The following THOP1 variants were observed in gnomAD, a reference collection of about 807,000 sequenced individuals.
The protein encoded by THOP1 is thimet oligopeptidase.
In THOP1, 49 loss-of-function variants were observed where a neutral mutation model predicts 71.8. The ratio of observed to expected loss-of-function variants is 0.68; its 90% confidence interval spans 0.54 to 0.87. The LOEUF is 0.87. Ranked by LOEUF, THOP1 falls within the 40% of genes least tolerant of loss-of-function variation. The pLI is 0.00. For synonymous variants in THOP1, 426 were observed against 421.5 expected, an observed-to-expected ratio of 1.01 and a Z score of -0.13; for missense variants, 843 against 975.6, an observed-to-expected ratio of 0.86 and a Z score of 1.81.
chr19:2,811,663 C>T lies in THOP1; in HGVS notation c.1837C>T (p.Leu613=), dbSNP rs370675841. Residue 613 remains leucine (L), a synonymous_variant, in exon 12 of 13, where the codon CTG becomes TTG. Coordinates refer to ENST00000307741, the MANE Select transcript of THOP1 (RefSeq NM_003249.5). The part of the protein sequence containing the change: ...GGYDAQYYGY[L]WSEVYSMDMF... ...CTACGACGCCCAGTACTACGGGTAC[C>T]TGTGGAGCGAGGTGTATTCCATGGA... is the stretch of plus-strand genomic sequence containing the variant. 6.5e-5 allele frequency: 105 copies of T among 1,613,380 alleles called. No individual in the cohort carries two copies. Among genetic ancestry groups the T allele is most frequent in the Non-Finnish European group, 8.6e-5 (101 of 1,179,996 alleles).
chr19:2,806,787 G>T (rs868594383), intron 6 of THOP1, 130 bp from the exon 7 acceptor site: 32 of 1,503,922 alleles, frequency 2.1e-5, no homozygotes, highest in African/African-American at 1.5e-4. Flanking sequence ...AGTAACACAG[G>T]CCGAGAGGGG....
At chr19:2,810,898 C>T (rs1031729166) in intron 11 of THOP1, 130 bp downstream of exon 11, 44 of 1,377,098 alleles carry the variant, frequency 3.2e-5, no homozygotes, top group East Asian at 1.3e-4. Context: ...CCACGGAGCG[C>T]GTCCCAGGCT....
chr19:2,796,087 G>C lies in THOP1; in HGVS notation c.385G>C (p.Val129Leu). The change falls in exon 4 of 13, where the codon GTT becomes CTT. Residue 129 changes from valine (V) to leucine (L), a missense_variant. Val to Leu is a conservative substitution (Grantham distance 32). Coordinates refer to ENST00000307741, the MANE Select transcript of THOP1 (RefSeq NM_003249.5). ...TTTGATGTTTTTATTCCAGGAGAAA[G>C]TTCAGAAGGACTCACTGAGGCCCGA... ...YQRIVWLQEKVQKDSLRPEAA... is the reference protein window; with the variant it reads ...YQRIVWLQEKLQKDSLRPEAA... 1 of 1,613,648 alleles carries C rather than the reference G, an allele frequency of 6.2e-7. No homozygotes were observed. The highest frequency in any genetic ancestry group is 1.1e-5 in the South Asian group (1 of 91,070).
At chr19:2,790,091 C>T (rs560437124) in intron 1 of THOP1, among the ~76,000 whole-genome samples, 3 of 152,246 alleles carry the variant, frequency 2.0e-5, no homozygotes, top group South Asian at 2.1e-4. Context: ...ATCTCTATTC[C>T]GGGCTGATCG....
chr19:2,804,044 G>A lies in THOP1; in HGVS notation c.590-972G>A, dbSNP rs1292062205. Among the ~76,000 whole-genome samples, 1 of 149,672 alleles carries A rather than the reference G, an allele frequency of 6.7e-6. No homozygotes were observed. The highest frequency in any genetic ancestry group is 1.5e-5 in the Non-Finnish European group (1 of 67,414). ...CTGCTCTGGGGTCCGTGTGAGCTCC[G>A]GATCATTCTTTCCACCCTGACTCCC... is the stretch of plus-strand genomic sequence containing the variant. On this transcript the variant is annotated intron_variant, in intron 5 of 12. Transcript: ENST00000307741. The surrounding 1 kb of genome is among the most constrained non-coding windows in gnomAD (Gnocchi z 4.7).
At chr19:2,812,873 C>T (rs1443139728) in intron 12 of THOP1, among the ~76,000 whole-genome samples, 1 of 152,214 alleles carries the variant, frequency 6.6e-6, no homozygotes, top group Non-Finnish European at 1.5e-5. Context: ...GCGGGAGCCA[C>T]CTCGGGAGTT....
chr19:2,793,457 C>A (rs551156996), intron 2 of THOP1, among the ~76,000 whole-genome samples: 1 of 151,916 alleles, frequency 6.6e-6, no homozygotes, highest in Admixed American at 6.6e-5. Flanking sequence ...ATTGGGAGGC[C>A]GAGGCAGATG....
intron 4 of THOP1, among the ~76,000 whole-genome samples, chr19:2,797,840 C>T (rs889904971): frequency 6.6e-6 from 1 of 152,116 alleles, no homozygotes; most frequent in African/African-American, 2.4e-5. Flanking sequence ...ATAAAGCCAC[C>T]GCTGTCCTGG....
intron 8 of THOP1, 138 bp downstream of exon 8, chr19:2,807,946 G>A (rs767840439): frequency 3.9e-5 from 42 of 1,075,932 alleles, no homozygotes; most frequent in East Asian, 1.1e-4. Flanking sequence ...CGTAGCACCC[G>A]TGGGCACACC....
intron 12 of THOP1, 108 bp from the exon 13 acceptor site, chr19:2,813,007 G>C: frequency 7.3e-7 from 1 of 1,373,994 alleles, no homozygotes; most frequent in South Asian, 1.5e-5. Context: ...TGGGAACCTG[G>C]AAGGGGTTGC....
chr19:2,795,248 C>T (rs1415240814), intron 3 of THOP1, among the ~76,000 whole-genome samples: 1 of 152,254 alleles, frequency 6.6e-6, no homozygotes, highest in Non-Finnish European at 1.5e-5. Flanking sequence ...GCCTGAGCCA[C>T]CACGCCCGGC....
chr19:2,812,765 A>G (rs547027778), intron 12 of THOP1, among the ~76,000 whole-genome samples: 81 of 152,292 alleles, frequency 5.3e-4, no homozygotes, highest in African/African-American at 1.9e-3. Context: ...CTGGGCCTTT[A>G]GGGCGGCCCA....
chr19:2,812,116 C>T (rs934243699), intron 12 of THOP1: 9 of 1,396,628 alleles, frequency 6.4e-6, no homozygotes, highest in South Asian at 4.5e-5. Context: ...TCTGCGTGAT[C>T]GGCCTCAGAG....
chr19:2,812,495 CT>C (rs1198996550), intron 12 of THOP1: 1 of 1,195,960 alleles, frequency 8.4e-7, no homozygotes, highest in Non-Finnish European at 1.1e-6. Flanking sequence ...GACCTCCCCC[CT>C]CCTGAGGCAG....
intron 1 of THOP1, among the ~76,000 whole-genome samples, chr19:2,789,081 A>G (rs1486300029): frequency 6.6e-6 from 1 of 152,052 alleles, no homozygotes; most frequent in Non-Finnish European, 1.5e-5. Context: ...ATTTTTGTAC[A>G]CCCCTGGAAC....
In THOP1 at chr19:2,796,185, G is replaced by A; in HGVS notation, c.483G>A (p.Gln161=). The change falls in exon 4 of 13, where the codon CAG becomes CAA. Residue 161 remains glutamine (Q), a synonymous_variant. Coordinates refer to ENST00000307741, the MANE Select transcript of THOP1 (RefSeq NM_003249.5). ...GGCTTCACCTCCCCAGAGAGACTCA[G>A]GAAGTGAGTGCTGGGTGTAGGGAGT... ...RNGLHLPRET[Q]ENIKRIKKKL... is the part of the protein sequence containing the mutation. 6.2e-7 allele frequency: 1 copy of A among 1,611,080 alleles called. No homozygotes were observed. The highest frequency in any genetic ancestry group is 8.5e-7 in the Non-Finnish European group (1 of 1,178,058).
At chr19:2,790,738 A>C in intron 2 of THOP1, 105 bp downstream of exon 2, 1 of 1,070,218 alleles carries the variant, frequency 9.3e-7, no homozygotes, top group Non-Finnish European at 1.3e-6. Flanking sequence ...CCTGGCTTGA[A>C]GTGTCACCAG....
chr19:2,806,703 ATCTGCACCCCT>A, intron 6 of THOP1: 1 of 735,514 alleles, frequency 1.4e-6, no homozygotes. Flanking sequence ...CCTTAGAGTC[ATCTGCACCCCT>A]TCTGGTTCCA....
chr19:2,792,852 G>C (rs1915918770), intron 2 of THOP1, among the ~76,000 whole-genome samples: 1 of 152,010 alleles, frequency 6.6e-6, no homozygotes, highest in South Asian at 2.1e-4. Context: ...ATTGAGATAT[G>C]ATTTGCATAA....
Sources: allele counts gnomAD v4.1 joint callset (sites outside exome capture counted in the v4.1 genomes callset), GRCh38; gene constraint gnomAD v4.1.1; non-coding constraint Gnocchi (gnomAD v3.1); transcripts MANE v1.5; gene names NCBI Gene and HGNC (gene_info 2026-07-23, HGNC 2026-07-21).